The following CDH8 variants were observed in gnomAD, a reference collection of about 807,000 sequenced individuals.
CDH8 encodes the protein cadherin-8.
Under a neutral mutation model 68.1 loss-of-function variants are expected in CDH8, and 17 were observed. The ratio of observed to expected loss-of-function variants is 0.25; its 90% CI spans 0.17 to 0.37. The LOEUF (loss-of-function observed/expected upper bound fraction) is 0.37, where lower values mean the gene tolerates loss of function less well. Ranked by LOEUF, CDH8 falls within the 10% of genes least tolerant of loss-of-function variation. The probability of loss-of-function intolerance (pLI) is 1.00; values close to 1 mark genes in which losing one functional copy is unlikely to be tolerated. For missense variants in CDH8, 763 were observed against 999.3 expected, an observed-to-expected ratio of 0.76 and a Z score of 3.19; for synonymous variants, 372 against 365.1, an observed-to-expected ratio of 1.02 and a Z score of -0.21.
chr16:61,872,324 G>A (rs1243155157), intron 3 of CDH8, among the ~76,000 whole-genome samples: 1 of 152,198 alleles, frequency 6.6e-6, no homozygotes. Flanking sequence ...GCCCAAGGTG[G>A]TTGGGATACA....
At chr16:61,893,765 G>A (rs1963821293) in intron 3 of CDH8, among the ~76,000 whole-genome samples, 1 of 152,062 alleles carries the variant, frequency 6.6e-6, no homozygotes, top group African/African-American at 2.4e-5. Flanking sequence ...TGAGCATCAG[G>A]ATAAATAACT....
intron 2 of CDH8, among the ~76,000 whole-genome samples, chr16:62,006,259 G>C (rs1423287473): frequency 6.6e-6 from 1 of 152,296 alleles, no homozygotes; most frequent in Non-Finnish European, 1.5e-5. Context: ...ACTTTTCCAT[G>C]AGAGCTTTGC....
chr16:61,773,956 C>T (rs1960845529), intron 8 of CDH8, among the ~76,000 whole-genome samples: 1 of 152,014 alleles, frequency 6.6e-6, no homozygotes, highest in Non-Finnish European at 1.5e-5. Context: ...AAATGTCCAT[C>T]ATCTGGCTAA....
intron 8 of CDH8, among the ~76,000 whole-genome samples, chr16:61,732,157 T>G (rs1423827082): frequency 2.0e-5 from 3 of 151,124 alleles, no homozygotes; most frequent in African/African-American, 7.3e-5. Context: ...ATAATAGTAA[T>G]GAGAGAAGAA....
chr16:61,929,817 G>T (rs544584204), intron 2 of CDH8, among the ~76,000 whole-genome samples: 1 of 152,246 alleles, frequency 6.6e-6, no homozygotes, highest in African/African-American at 2.4e-5. Flanking sequence ...TTGAGCCCAG[G>T]AGTTAGAGGC....
intron 8 of CDH8, among the ~76,000 whole-genome samples, chr16:61,788,514 A>T: frequency 6.6e-6 from 1 of 152,122 alleles, no homozygotes; most frequent in Non-Finnish European, 1.5e-5. Context: ...ATAATAAGCA[A>T]CATGTTTTTT....
chr16:61,686,688 G>A (rs534475177), intron 10 of CDH8, among the ~76,000 whole-genome samples: 1 of 152,086 alleles, frequency 6.6e-6, no homozygotes, highest in African/African-American at 2.4e-5. Context: ...TGTTGGAAAT[G>A]CTACTTGGGT....
chr16:61,879,895 T>C (rs1161305686), intron 3 of CDH8, among the ~76,000 whole-genome samples: 1 of 121,044 alleles, frequency 8.3e-6, no homozygotes, highest in Non-Finnish European at 1.6e-5. Flanking sequence ...TCCAGAAGAA[T>C]ATGAGGTTTT....
intron 2 of CDH8, among the ~76,000 whole-genome samples, chr16:62,002,566 T>C (rs1965909717): frequency 6.6e-6 from 1 of 152,358 alleles, no homozygotes; most frequent in African/African-American, 2.4e-5. Context: ...ATTAGCATTA[T>C]TGATGGTAAT....
intron 3 of CDH8, among the ~76,000 whole-genome samples, chr16:61,872,902 CT>C (rs1241518355): frequency 6.6e-6 from 1 of 152,126 alleles, no homozygotes; most frequent in African/African-American, 2.4e-5. Context: ...GAAGGCTGGG[CT>C]TTTAGGATGA....
At chr16:61,957,889 A>G (rs1413114904) in intron 2 of CDH8, among the ~76,000 whole-genome samples, 1 of 152,108 alleles carries the variant, frequency 6.6e-6, no homozygotes, top group African/African-American at 2.4e-5. Context: ...TTATATTCCA[A>G]GAACCTAGTG....
At position 61,767,149 on chromosome 16, in the gene CDH8, C is replaced by T. The variant is rs145646247; in HGVS notation, c.1414+22197G>A. Among the ~76,000 whole-genome samples, 380 of 151,866 alleles carry T rather than the reference C, an allele frequency of 2.5e-3. 1 individual carries two copies. Among genetic ancestry groups the T allele is most frequent in the African/African-American group, 8.3e-3 (346 of 41,480 alleles). On this transcript the variant is annotated intron_variant, in intron 8 of 11. Transcript: ENST00000577390. ...TTTCCGCATGACTTGTGTGTGTGTG[C>T]GACACTATTCATACCATTTCTAAGT...
At chr16:61,716,473 T>G (rs187404639) in intron 9 of CDH8, among the ~76,000 whole-genome samples, 4 of 151,782 alleles carry the variant, frequency 2.6e-5, no homozygotes, top group Non-Finnish European at 2.9e-5. Context: ...CCACTGGAAC[T>G]ACTGACTAAA....
chr16:61,722,709 G>A (rs1033349844), intron 9 of CDH8, among the ~76,000 whole-genome samples: 1 of 150,714 alleles, frequency 6.6e-6, no homozygotes, highest in African/African-American at 2.4e-5. Flanking sequence ...CTAAGATTTT[G>A]TGAATATATA....
chr16:61,675,791 T>C (rs1211657481), intron 10 of CDH8, among the ~76,000 whole-genome samples: 3 of 151,050 alleles, frequency 2.0e-5, no homozygotes, highest in Admixed American at 6.6e-5. Flanking sequence ...GTAAGAAATA[T>C]ATTATTACAT....
At chr16:61,722,427 T>A (rs1304349670) in intron 9 of CDH8, among the ~76,000 whole-genome samples, 1 of 150,848 alleles carries the variant, frequency 6.6e-6, no homozygotes, top group Non-Finnish European at 1.5e-5. Context: ...TTCATTCTAT[T>A]CTTCTCATAA....
At chr16:61,948,542 G>A (rs1964836710) in intron 2 of CDH8, among the ~76,000 whole-genome samples, 1 of 152,158 alleles carries the variant, frequency 6.6e-6, no homozygotes, top group Non-Finnish European at 1.5e-5. Context: ...TAACTGTGAA[G>A]CCTATATTTG....
chr16:61,741,764 C>A (rs1045247417), intron 8 of CDH8, among the ~76,000 whole-genome samples: 12 of 152,054 alleles, frequency 7.9e-5, no homozygotes, highest in African/African-American at 2.9e-4. Context: ...TTATAATAAA[C>A]CTTCATATAA....
intron 4 of CDH8, among the ~76,000 whole-genome samples, chr16:61,847,540 A>T (rs941554280): frequency 1.4e-3 from 42 of 29,784 alleles, no homozygotes; most frequent in Non-Finnish European, 1.3e-3. Flanking sequence ...CAATCATTTT[A>T]TATATATATA....
Sources: allele counts gnomAD v4.1 joint callset (sites outside exome capture counted in the v4.1 genomes callset), GRCh38; gene constraint gnomAD v4.1.1; transcripts MANE v1.5; gene names NCBI Gene and HGNC (gene_info 2026-07-23, HGNC 2026-07-21).